The following HNF4G variants were observed in gnomAD, a reference collection of about 807,000 sequenced individuals.
HNF4G encodes hepatocyte nuclear factor 4 gamma, also known as hepatocyte nuclear factor 4-gamma.
HNF4G carries 21 observed loss-of-function variants against 50.9 expected under a neutral mutation model. The ratio of observed to expected loss-of-function variants is 0.41; its 90% CI spans 0.29 to 0.59. The LOEUF is 0.59. Among genes scored for constraint, HNF4G ranks in the 20% least tolerant of loss-of-function variants. The pLI is 0.26. For missense variants in HNF4G, 527 were observed against 559.4 expected (o/e 0.94, Z 0.58); for synonymous variants, 198 against 185.6 (o/e 1.07, Z -0.54).
At chr8:75,561,227 A>G (rs1807303003) in intron 9 of HNF4G, among the ~76,000 whole-genome samples, 1 of 152,080 alleles carries the variant, frequency 6.6e-6, no homozygotes, top group South Asian at 2.1e-4. Context: ...TCCCCTTTCG[A>G]CACATCCAGC....
intron 1 of HNF4G, among the ~76,000 whole-genome samples, chr8:75,470,127 T>C (rs867890751): frequency 1.2e-4 from 18 of 152,192 alleles, no homozygotes; most frequent in Non-Finnish European, 2.6e-4. Context: ...CAGAGCAAAG[T>C]AGGGTGTAAT....
intron 2 of HNF4G, among the ~76,000 whole-genome samples, chr8:75,519,700 A>G (rs564466726): frequency 6.6e-6 from 1 of 152,294 alleles, no homozygotes; most frequent in South Asian, 2.1e-4. Flanking sequence ...GGGAGCTACA[A>G]TTTAATATGA....
chr8:75,419,673 G>T (rs971657900), intron 1 of HNF4G, among the ~76,000 whole-genome samples: 1 of 152,102 alleles, frequency 6.6e-6, no homozygotes, highest in African/African-American at 2.4e-5. Context: ...CATGATTCAC[G>T]CCCACCAACA....
At chr8:75,510,888 A>G (rs763423340) in intron 2 of HNF4G, among the ~76,000 whole-genome samples, 1 of 152,118 alleles carries the variant, frequency 6.6e-6, no homozygotes, top group Non-Finnish European at 1.5e-5. Context: ...ATTAAAATTT[A>G]ACACGGTATT....
At position 75,473,541 on chromosome 8, in the gene HNF4G, T is replaced by A. The variant is rs189273663; in HGVS notation, c.-143-16548T>A. Among the ~76,000 whole-genome samples, 182 of 152,302 alleles carry A rather than the reference T, an allele frequency of 1.2e-3. 1 individual carries two copies. The highest frequency in any genetic ancestry group is 4.1e-3 in the African/African-American group (172 of 41,578). On this transcript the variant is annotated intron_variant, in intron 1 of 10. Transcript: ENST00000354370. ...TAGTGAGTTTAACAGTTTTGCTAAA[T>A]CTGAGGTGAAGAGAATAGTGAAATC... is the stretch of plus-strand genomic sequence containing the variant.
intron 2 of HNF4G, among the ~76,000 whole-genome samples, chr8:75,519,530 G>C (rs1290157077): frequency 1.5e-4 from 23 of 152,186 alleles, no homozygotes; most frequent in Admixed American, 1.5e-3. Context: ...TGGGCTCACA[G>C]TTCCACGTGG....
chr8:75,518,809 C>G (rs1228610061), intron 2 of HNF4G, among the ~76,000 whole-genome samples: 5 of 152,106 alleles, frequency 3.3e-5, no homozygotes, highest in Admixed American at 6.6e-5. Context: ...CTCTGATATA[C>G]CCCAGAGACA....
At position 75,511,504 on chromosome 8, in the gene HNF4G, G is replaced by A. The variant is rs1032624468; in HGVS notation, c.-24+21296G>A. Among the ~76,000 whole-genome samples, 5 of 152,332 alleles carry A rather than the reference G, an allele frequency of 3.3e-5. No homozygotes were observed. In the East Asian group the frequency reaches 9.6e-4, roughly 29 times the overall value. ...AACACAGTACTTACTGTGGATCAAA[G>A]TTGAATTAAAGCTGTAGATTAACTT... On this transcript the variant is annotated intron_variant, in intron 2 of 10. Coordinates refer to the HNF4G transcript ENST00000354370.
At chr8:75,535,640 T>C (rs1806444290), upstream of HNF4G, among the ~76,000 whole-genome samples, 1 of 151,902 alleles carries the variant, frequency 6.6e-6, no homozygotes, top group South Asian at 2.1e-4. Context: ...AAGAAATAAG[T>C]TTAAAAAACA....
At position 75,434,675 on chromosome 8, in the gene HNF4G, A is replaced by AACACACACACACACACACAC. The variant is rs36098920; in HGVS notation, c.-144+26525_-144+26544dup. The stretch of plus-strand genomic sequence containing the variant: ...ATTCCAGAACACAAACAACAAGGCC[A>AACACACACACACACACACAC]ACACACACACACACACACACACACA... On this transcript the variant is annotated intron_variant, in intron 1 of 10. Coordinates refer to the HNF4G transcript ENST00000354370. 1.7e-3 allele frequency among the ~76,000 whole-genome samples: 253 copies of AACACACACACACACACACAC among 145,772 alleles called. 1 individual carries two copies. The highest frequency in any genetic ancestry group is 6.1e-3 in the African/African-American group (244 of 39,756).
At chr8:75,520,591 C>A (rs896255246) in intron 2 of HNF4G, among the ~76,000 whole-genome samples, 7 of 151,956 alleles carry the variant, frequency 4.6e-5, no homozygotes, top group Middle Eastern at 3.2e-3. Context: ...GTGGATGCCA[C>A]CATGCCTGGC....
In HNF4G at chr8:75,473,860, TAA is replaced by T. The variant is rs369305162; in HGVS notation, c.-143-16219_-143-16218del. Among the ~76,000 whole-genome samples the T allele has an allele frequency of 2.7e-3, 395 of 144,284 alleles. 1 individual carries two copies. Among genetic ancestry groups the T allele is most frequent in the African/African-American group, 9.0e-3 (357 of 39,518 alleles). The allele number at this position is 144,284 out of a possible 152,430, so 94.7% of individuals were successfully genotyped here. On this transcript the variant is annotated intron_variant, in intron 1 of 10. Transcript: ENST00000354370. ...TGGGCACGGTTTGGGTAGATGAGGT[TAA>T]AAAAAAAAAGTGAATGTGTGATGAC...
intron 2 of HNF4G, among the ~76,000 whole-genome samples, chr8:75,507,602 A>G (rs1805630398): frequency 6.6e-6 from 1 of 152,156 alleles, no homozygotes; most frequent in Non-Finnish European, 1.5e-5. Context: ...AGTTTACTAT[A>G]TTTTTCATTT....
chr8:75,510,106 T>TTGATTA (rs1369888951), intron 2 of HNF4G, among the ~76,000 whole-genome samples: 1 of 152,118 alleles, frequency 6.6e-6, no homozygotes, highest in African/African-American at 2.4e-5. Flanking sequence ...GGCAGTGATA[T>TTGATTA]TGATTATCCT....
chr8:75,456,164 A>G (rs1296906537), intron 1 of HNF4G, among the ~76,000 whole-genome samples: 1 of 152,080 alleles, frequency 6.6e-6, no homozygotes, highest in Admixed American at 6.6e-5. Flanking sequence ...CATTTTCTAC[A>G]TATTTGAGAT....
chr8:75,558,536 A>C lies in HNF4G; in HGVS notation c.752A>C (p.His251Pro). The change falls in exon 7 of 10, where the codon CAC (histidine) becomes CCC (proline). Residue 251 changes from histidine (H) to proline (P), a missense_variant. This residue lies in a region of HNF4G where 308 missense variants were observed against 301.5 expected (regional missense o/e 1.02). Transcript: ENST00000396423. The stretch of plus-strand genomic sequence containing the variant: ...CTCATAGGAAACAACTATGTTATTC[A>C]CCGCAACAGCTGTGAAGTTGAGATT... ...ILLLGNNYVI[H>P]RNSCEVEISR... 1 of 1,612,408 alleles carries C rather than the reference A, an allele frequency of 6.2e-7. No individual in the cohort carries two copies. The highest frequency in any genetic ancestry group is 1.3e-5 in the African/African-American group (1 of 74,918).
At chr8:75,540,186 G>A (rs2943551) in intron 1 of HNF4G, 106 bp downstream of exon 1, 385,128 of 657,384 alleles carry the variant, frequency 0.59, 116,582 homozygotes, top group African/African-American at 0.9. Flanking sequence ...TTGCTGGAGA[G>A]TTTAGGGCTT....
chr8:75,523,298 C>A (rs534502045), intron 2 of HNF4G, among the ~76,000 whole-genome samples: 5 of 152,106 alleles, frequency 3.3e-5, no homozygotes, highest in African/African-American at 7.2e-5. Flanking sequence ...TAGTAATGTT[C>A]TCAAATCCAC....
intron 2 of HNF4G, among the ~76,000 whole-genome samples, chr8:75,494,300 GCACACA>G (rs755362411): frequency 0.027 from 2,057 of 77,216 alleles, 21 homozygotes; most frequent in African/African-American, 0.078. Flanking sequence ...CTCCCATACA[GCACACA>G]CACACACACA....
Sources: allele counts gnomAD v4.1 joint callset (sites outside exome capture counted in the v4.1 genomes callset), GRCh38; gene constraint gnomAD v4.1.1; regional missense constraint gnomAD v4.1.1; transcripts MANE v1.5; gene names NCBI Gene and HGNC (gene_info 2026-07-23, HGNC 2026-07-21).